CCDC170: variants seen among roughly 807,000 people sequenced by gnomAD.
CCDC170 encodes the protein coiled-coil domain containing 170, also known as coiled-coil domain-containing protein 170.
A neutral mutation model predicts 72.6 loss-of-function variants in CCDC170; 69 were observed. The ratio of observed to expected loss-of-function variants is 0.95; its 90% confidence interval spans 0.78 to 1.16. CCDC170 has a LOEUF of 1.16. CCDC170 is among the 50% of genes most tolerant of loss of function. The probability of loss-of-function intolerance (pLI) is 0.00; values close to 1 mark genes in which losing one functional copy is unlikely to be tolerated. For synonymous variants in CCDC170, 300 were observed against 303.9 expected (o/e 0.99, Z 0.13); for missense variants, 852 against 832.5 (o/e 1.02, Z -0.29).
intron 1 of CCDC170, among the ~76,000 whole-genome samples, chr6:151,499,047 T>C (rs1445064927): frequency 7.0e-6 from 1 of 141,876 alleles, no homozygotes; most frequent in Non-Finnish European, 1.5e-5. Flanking sequence ...AATCAGACTG[T>C]ATTTGACTAT....
chr6:151,613,608 T>C (rs1273077797), intron 9 of CCDC170, among the ~76,000 whole-genome samples: 2 of 152,208 alleles, frequency 1.3e-5, no homozygotes, highest in Non-Finnish European at 2.9e-5. Flanking sequence ...TTTTTTGCAA[T>C]TGGCTTCTTT....
At chr6:151,556,266 G>A (rs1156519966) in intron 5 of CCDC170, among the ~76,000 whole-genome samples, 1 of 152,054 alleles carries the variant, frequency 6.6e-6, no homozygotes, top group African/African-American at 2.4e-5. Flanking sequence ...GACCAGCCTG[G>A]TCAACATGGT....
At chr6:151,539,145 A>AG (rs1782639912) in intron 3 of CCDC170, among the ~76,000 whole-genome samples, 3 of 152,174 alleles carry the variant, frequency 2.0e-5, no homozygotes, top group South Asian at 4.2e-4. Flanking sequence ...CTTTAATCCC[A>AG]GCTACTCGAG....
At chr6:151,511,687 G>T (rs1277649573) in intron 1 of CCDC170, among the ~76,000 whole-genome samples, 1 of 152,150 alleles carries the variant, frequency 6.6e-6, no homozygotes, top group Non-Finnish European at 1.5e-5. Flanking sequence ...AAAACAGAGG[G>T]CCTGCTCTCA....
At chr6:151,573,858 G>A (rs150719495) in intron 6 of CCDC170, among the ~76,000 whole-genome samples, 1,580 of 152,294 alleles carry the variant, frequency 0.01, 90 homozygotes, top group Admixed American at 0.097. Context: ...TCCCTCCCAC[G>A]ACACGTGGGG....
intron 6 of CCDC170, among the ~76,000 whole-genome samples, chr6:151,578,053 C>A (rs949600160): frequency 6.6e-6 from 1 of 152,150 alleles, no homozygotes; most frequent in Non-Finnish European, 1.5e-5. Context: ...CTGTTCTTAA[C>A]CCTGCCACCT....
In CCDC170 at chr6:151,584,367, T is replaced by C. The variant is rs1226944326; in HGVS notation, c.1093-1522T>C. ...CTCAGACCTCACAGGGAAGAGTTTT[T>C]CCTTTCTTAGAAAGGAATGCTTAAG... On this transcript the variant is annotated intron_variant, in intron 6 of 10. Coordinates refer to ENST00000239374, the MANE Select transcript of CCDC170 (RefSeq NM_025059.4). Among the ~76,000 whole-genome samples the C allele has an allele frequency of 2.6e-5, 4 of 152,168 alleles. No individual in the cohort carries two copies. In the East Asian group the frequency reaches 7.7e-4, roughly 29 times the overall value.
intron 9 of CCDC170, among the ~76,000 whole-genome samples, chr6:151,602,944 G>T (rs1776732902): frequency 6.6e-6 from 1 of 152,058 alleles, no homozygotes; most frequent in Admixed American, 6.5e-5. Context: ...GGGATTACAG[G>T]CGTGTGCCAC....
At chr6:151,520,790 C>G (rs920743162) in intron 1 of CCDC170, among the ~76,000 whole-genome samples, 1 of 152,148 alleles carries the variant, frequency 6.6e-6, no homozygotes, top group African/African-American at 2.4e-5. Context: ...CACAAGAGGA[C>G]AATTTCAACT....
intron 6 of CCDC170, among the ~76,000 whole-genome samples, chr6:151,574,788 G>T (rs181596366): frequency 6.6e-6 from 1 of 152,260 alleles, no homozygotes; most frequent in Non-Finnish European, 1.5e-5. Context: ...GTATCTGGCC[G>T]ATCAGGTTAT....
intron 3 of CCDC170, among the ~76,000 whole-genome samples, chr6:151,544,365 C>T (rs936284547): frequency 2.6e-5 from 4 of 152,156 alleles, no homozygotes; most frequent in African/African-American, 9.7e-5. Flanking sequence ...CTGCAAAGCA[C>T]AGGTGTCCCA....
At chr6:151,595,437 T>C (rs1479959925) in intron 8 of CCDC170, among the ~76,000 whole-genome samples, 1 of 152,202 alleles carries the variant, frequency 6.6e-6, no homozygotes, top group African/African-American at 2.4e-5. Flanking sequence ...ACAGTCCCTT[T>C]TATTTCTAAG....
At chr6:151,544,102 T>G (rs944287607) in intron 3 of CCDC170, among the ~76,000 whole-genome samples, 2 of 152,198 alleles carry the variant, frequency 1.3e-5, no homozygotes, top group Non-Finnish European at 2.9e-5. Flanking sequence ...TAGTTATGCC[T>G]GGCCATGAAC....
At chr6:151,589,134 A>T (rs1393943146) in intron 7 of CCDC170, among the ~76,000 whole-genome samples, 1 of 151,960 alleles carries the variant, frequency 6.6e-6, no homozygotes, top group Non-Finnish European at 1.5e-5. Flanking sequence ...GTGTGCCTGT[A>T]ATCCCAGCTA....
intron 1 of CCDC170, among the ~76,000 whole-genome samples, chr6:151,515,199 A>G (rs1332132926): frequency 2.0e-5 from 3 of 152,268 alleles, no homozygotes; most frequent in African/African-American, 7.2e-5. Context: ...TACTTGGACT[A>G]CATTGTTTGG....
chr6:151,536,325 AC>A lies in CCDC170; in HGVS notation c.66del (p.Tyr22Ter), dbSNP rs1287353585. The A allele has an allele frequency of 6.2e-7, 1 of 1,613,536 alleles. No individual in the cohort carries two copies. The highest frequency in any genetic ancestry group is 1.1e-5 in the South Asian group (1 of 91,072). On this transcript the variant is annotated frameshift_variant, in exon 2 of 11. Coordinates refer to ENST00000239374, the MANE Select transcript of CCDC170 (RefSeq NM_025059.4). LOFTEE classifies it high-confidence loss of function. The part of the protein sequence containing the change: ...GAASPAPEET[Y>X]DHLSEVPVTR... ...TTGGGGGAATTCTACCAGGAAACTT[AC>A]GATCATCTTTCGGAAGTCCCGGTCA...
At chr6:151,580,520 T>C (rs1033276441) in intron 6 of CCDC170, among the ~76,000 whole-genome samples, 3 of 152,158 alleles carry the variant, frequency 2.0e-5, no homozygotes, top group African/African-American at 7.2e-5. Flanking sequence ...AATGTATCAG[T>C]AGATTTTTTA....
intron 5 of CCDC170, among the ~76,000 whole-genome samples, chr6:151,572,074 C>T (rs928775422): frequency 2.6e-5 from 4 of 152,034 alleles, no homozygotes; most frequent in African/African-American, 9.7e-5. Flanking sequence ...GGCTGGTCTC[C>T]AACTCCTGGG....
rs538165350 is a variant in CCDC170, at chr6:151,563,974, T to C, written c.775-9200T>C. Among the ~76,000 whole-genome samples, 4 of 152,320 alleles carry C rather than the reference T, an allele frequency of 2.6e-5. No individual in the cohort carries two copies. The East Asian group carries it at 7.7e-4, about 29-fold the overall frequency. Reference sequence around the variant, plus strand: ...CATTCACATTTTGTCCATTCACTAGTAACTTTGATCTTCTTTCTGAGGAGA... The same window carrying C: ...CATTCACATTTTGTCCATTCACTAGCAACTTTGATCTTCTTTCTGAGGAGA... On this transcript the variant is annotated intron_variant, in intron 5 of 10. Coordinates refer to ENST00000239374, the MANE Select transcript of CCDC170 (RefSeq NM_025059.4).
Sources: gnomAD v4.1 joint callset for allele counts (sites outside exome capture counted in the v4.1 genomes callset) on GRCh38, gnomAD v4.1.1 for gene constraint, MANE v1.5 for transcripts, NCBI Gene and HGNC (gene_info 2026-07-23, HGNC 2026-07-21) for gene names.